EP400: variants seen among roughly 807,000 people sequenced by gnomAD.
EP400 encodes the protein E1A binding protein p400, also known as E1A-binding protein p400.
Under a neutral mutation model 354.1 loss-of-function variants are expected in EP400, and 105 were observed. The ratio of observed to expected loss-of-function variants is 0.30; its 90% confidence interval spans 0.25 to 0.35. The LOEUF (loss-of-function observed/expected upper bound fraction) is 0.35. EP400 is among the 10% of genes least tolerant of loss of function. EP400 has a pLI of 1.00. For synonymous variants in EP400, 1,646 were observed against 1,716.9 expected, an observed-to-expected ratio of 0.96 and a Z score of 1.02; for missense variants, 3,280 against 4,121.0, an observed-to-expected ratio of 0.80 and a Z score of 5.59.
intron 12 of EP400, among the ~76,000 whole-genome samples, chr12:132,004,431 T>TA (rs552848061): frequency 1.4e-3 from 207 of 152,290 alleles, no homozygotes; most frequent in Non-Finnish European, 2.1e-3. Context: ...GAGTGTTTTA[T>TA]AAAAAAAGCT....
intron 30 of EP400, among the ~76,000 whole-genome samples, chr12:132,036,718 A>G (rs1208979904): frequency 2.6e-5 from 4 of 152,216 alleles, no homozygotes; most frequent in African/African-American, 9.6e-5. Flanking sequence ...TTTGTTTCTT[A>G]TGCTTTTATG....
rs34186152 is a variant in EP400, at chr12:132,073,919, GTTTTTTTTTTTTT to G, written c.9022-2582_9022-2570del. Among the ~76,000 whole-genome samples the G allele has an allele frequency of 3.0e-4, 25 of 82,134 alleles. 1 individual carries two copies. In the South Asian group the frequency reaches 4.8e-3, roughly 16 times the overall value. The allele number at this position is 82,134 out of a possible 152,430, so 53.9% of individuals were successfully genotyped here. ...TTCCGGATTGGCATTGTTTTTTGGG[GTTTTTTTTTTTTT>G]TTTTTTTTTTTTTTGAGACGGAGGC... On this transcript the variant is annotated intron_variant, in intron 51 of 52. Transcript: ENST00000389561.
Position 132,053,575 on chromosome 12 carries a change from C to CG in EP400, c.7712dup (p.Ser2572GlnfsTer10). On this transcript the variant is annotated frameshift_variant, in exon 43 of 53. Transcript: ENST00000389561. LOFTEE classifies it high-confidence loss of function. ...GCGAAGGCGCAGCCCGCAATCACGA[C>CG]GGGGGGCAGTGCAGCCGTACTGGTG... 3 of 1,563,968 alleles carry CG rather than the reference C, an allele frequency of 1.9e-6. No individual in the cohort carries two copies. The highest frequency in any genetic ancestry group is 1.7e-6 in the Non-Finnish European group (2 of 1,161,038).
intron 45 of EP400, among the ~76,000 whole-genome samples, chr12:132,059,727 C>G (rs1479828091): frequency 6.6e-6 from 1 of 152,130 alleles, no homozygotes; most frequent in Non-Finnish European, 1.5e-5. Context: ...AAAGGTTAGG[C>G]TTTCAGGCTG....
At position 132,027,450 on chromosome 12, in the gene EP400, C is replaced by G. The variant is rs1894344575; in HGVS notation, c.5028C>G (p.Gly1676=). The G allele has an allele frequency of 6.2e-7, 1 of 1,614,112 alleles. No homozygotes were observed. Among genetic ancestry groups the G allele is most frequent in the East Asian group, 2.2e-5 (1 of 44,876 alleles). The part of the protein sequence containing the change: ...APLTPQVGVP[G]RVAVNALAVG... Reference sequence around the variant, plus strand: ...ATGCATTTGTAGTTGGCGTTCCGGGCCGCGTGGCGGTGAATGCCTTGGCTG... The same window carrying G: ...ATGCATTTGTAGTTGGCGTTCCGGGGCGCGTGGCGGTGAATGCCTTGGCTG... The change falls in exon 26 of 53, where the codon GGC becomes GGG. Residue 1676 remains glycine (G), a synonymous_variant. Transcript: ENST00000389561. The surrounding 1 kb of genome is among the most constrained non-coding windows in gnomAD (Gnocchi z 4.9).
At chr12:132,002,413 G>A (rs1398263653) in intron 12 of EP400, among the ~76,000 whole-genome samples, 1 of 152,074 alleles carries the variant, frequency 6.6e-6, no homozygotes, top group South Asian at 2.1e-4. Flanking sequence ...TCTGATTATG[G>A]TGCGCATTCT....
intron 39 of EP400, among the ~76,000 whole-genome samples, chr12:132,047,414 C>T (rs986547236): frequency 6.6e-6 from 1 of 152,066 alleles, no homozygotes. Flanking sequence ...AAGTGTTGGC[C>T]GGTCTGAGAA....
chr12:131,960,869 G>A lies in EP400; in HGVS notation c.250G>A (p.Gly84Arg), dbSNP rs765915897. Residue 84 changes from glycine to arginine, a missense_variant, in exon 2 of 53, where the codon GGG becomes AGG. By Grantham distance (125) the Gly-to-Arg change is moderately radical. Transcript: ENST00000389561. The part of the protein sequence containing the change: ...ITLQSVGPVV[G>R]GNQQITLAPL... ...CCTGCAGAGCGTGGGCCCTGTCGTC[G>A]GGGGAAACCAGCAGATCACACTGGC... 40 of 1,613,850 alleles carry A rather than the reference G, an allele frequency of 2.5e-5. No homozygotes were observed. The highest frequency in any genetic ancestry group is 1.8e-5 in the Non-Finnish European group (21 of 1,180,026).
intron 6 of EP400, 54 bp downstream of exon 6, chr12:131,986,861 A>G: frequency 1.3e-6 from 2 of 1,536,938 alleles, no homozygotes; most frequent in Non-Finnish European, 1.8e-6. Context: ...AAGCACATTT[A>G]GTTTTAATTG....
chr12:132,045,628 C>G, intron 38 of EP400, 68 bp downstream of exon 38: 1 of 1,604,168 alleles, frequency 6.2e-7, no homozygotes, highest in Non-Finnish European at 8.5e-7. Flanking sequence ...TCCGTGCATC[C>G]AGCTCACTGT....
intron 37 of EP400, 147 bp from the exon 38 acceptor site, chr12:132,045,172 G>A (rs1022924804): frequency 1.5e-5 from 21 of 1,374,416 alleles, no homozygotes; most frequent in Middle Eastern, 2.4e-4. Context: ...ATGAAGGCCC[G>A]AAAGCAGGTC....
intron 2 of EP400, among the ~76,000 whole-genome samples, chr12:131,968,731 ATTC>A (rs1404217077): frequency 6.6e-6 from 1 of 152,128 alleles, no homozygotes; most frequent in Non-Finnish European, 1.5e-5. Flanking sequence ...TTATTTCAGT[ATTC>A]TTTGATTTCT....
chr12:131,996,044 G>T (rs117203954), intron 12 of EP400, among the ~76,000 whole-genome samples: 3,409 of 152,326 alleles, frequency 0.022, 68 homozygotes, highest in Non-Finnish European at 0.036. Context: ...ACTCAGCCTG[G>T]ATGTCCTGAG....
intron 10 of EP400, 73 bp downstream of exon 10, chr12:131,991,529 C>A: frequency 3.9e-6 from 5 of 1,293,994 alleles, no homozygotes; most frequent in Non-Finnish European, 5.6e-6. Context: ...CCTTTTCATT[C>A]TTATCCAGAG....
Position 131,981,974 on chromosome 12 carries a change from G to T in EP400, c.1544-119G>T, listed in dbSNP as rs186612428. ...TGTGCTCGGTTGTGGCCAACTTCTC[G>T]TGTGAGTGTGGTGGGTCTTGGACAA... On this transcript the variant is annotated intron_variant, in intron 4 of 52. Transcript: ENST00000389561. The T allele has an allele frequency of 4.6e-6, 6 of 1,318,352 alleles. No homozygotes were observed. In the African/African-American group the frequency reaches 7.3e-5, roughly 16 times the overall value. The allele number at this position is 1,318,352 out of a possible 1,614,324, so 81.7% of individuals were successfully genotyped here. A position where few individuals can be genotyped will look rare whatever the true frequency, so the allele number is the denominator to read the frequency against.
intron 45 of EP400, among the ~76,000 whole-genome samples, chr12:132,056,505 G>A (rs1450764884): frequency 6.6e-6 from 1 of 152,058 alleles, no homozygotes; most frequent in African/African-American, 2.4e-5. Flanking sequence ...AGACTGTCTT[G>A]TCAGCAAACG....
chr12:132,031,173 A>G (rs1894477899), intron 29 of EP400: 5 of 487,808 alleles, frequency 1.0e-5, no homozygotes, highest in South Asian at 3.0e-5. Flanking sequence ...ATCTCCCTTC[A>G]TGGTCAACAG....
chr12:131,954,307 C>T (rs1453372545), intron 1 of EP400, among the ~76,000 whole-genome samples: 1 of 151,814 alleles, frequency 6.6e-6, no homozygotes, highest in Non-Finnish European at 1.5e-5. Context: ...AGGGGCCAGG[C>T]CAGGTGTGGT....
Position 131,992,249 on chromosome 12 carries a change from C to T in EP400, c.2737+19C>T. On this transcript the variant is annotated intron_variant, in intron 11 of 52. Coordinates refer to ENST00000389561, the MANE Select transcript of EP400 (RefSeq NM_015409.5). ...GACGAAGGTCTGTTCCCCCTCAGCA[C>T]TATCTTTGTCATCTCCAGGGCTGCT... 1 of 1,604,838 alleles carries T rather than the reference C, an allele frequency of 6.2e-7. No individual in the cohort carries two copies. The highest frequency in any genetic ancestry group is 8.5e-7 in the Non-Finnish European group (1 of 1,177,210).
Sources: allele counts gnomAD v4.1 joint callset (sites outside exome capture counted in the v4.1 genomes callset), GRCh38; gene constraint gnomAD v4.1.1; non-coding constraint Gnocchi (gnomAD v3.1); transcripts MANE v1.5; gene names NCBI Gene and HGNC (gene_info 2026-07-23, HGNC 2026-07-21).